PCNA: variants seen among roughly 807,000 people sequenced by gnomAD.
The protein encoded by PCNA is proliferating cell nuclear antigen, also known as DNA sliding clamp PCNA.
A neutral mutation model predicts 27.8 loss-of-function variants in PCNA; 4 were observed. The observed-to-expected ratio is 0.14, with a 90% CI of 0.07 to 0.33. The LOEUF is 0.33. Among genes scored for constraint, PCNA ranks in the 10% least tolerant of loss-of-function variants. The probability of loss-of-function intolerance (pLI) is 1.00; values close to 1 mark genes in which losing one functional copy is unlikely to be tolerated. For synonymous variants in PCNA, 121 were observed against 119.4 expected, an observed-to-expected ratio of 1.01 and a Z score of -0.09; for missense variants, 165 against 327.4, an observed-to-expected ratio of 0.50 and a Z score of 3.83.
chr20:5,117,657 T>C lies in PCNA; in HGVS notation c.395A>G (p.Glu132Gly), dbSNP rs1438678643. 6.4e-7 allele frequency: 1 copy of C among 1,560,380 alleles called. No individual in the cohort carries two copies. Among genetic ancestry groups the C allele is most frequent in the African/African-American group, 1.4e-5 (1 of 72,556 alleles). Residue 132 changes from glutamate to glycine, a missense_variant, in exon 4 of 6, where the codon GAG becomes GGG. Glu to Gly is a moderately conservative substitution (Grantham distance 98). Coordinates refer to ENST00000379143, the MANE Select transcript of PCNA (RefSeq NM_182649.2). ...AGGCATCTTTACTACACAGCTGTAC[T>C]CCTGTTCCTATTAAGAACAAAAATT... The part of the protein sequence containing the change: ...DVEQLGIPEQ[E>G]YSCVVKMPSG...
chr20:5,125,269 G>A (rs191591820), intron 1 of PCNA, among the ~76,000 whole-genome samples: 273 of 152,238 alleles, frequency 1.8e-3, no homozygotes, highest in Non-Finnish European at 3.2e-3. Flanking sequence ...AATATATAAT[G>A]CTGTTTTCAG....
chr20:5,126,358 T>C (rs1458177949), intron 1 of PCNA: 1 of 152,262 alleles, frequency 6.6e-6, no homozygotes. Flanking sequence ...AATTAGTGCT[T>C]AACAAGTACT....
rs2090466178 is a variant in PCNA, at chr20:5,115,107, T to C, written c.*176A>G. 1.9e-6 allele frequency: 1 copy of C among 533,436 alleles called. No homozygotes were observed. The highest frequency in any genetic ancestry group is 3.5e-5 in the Admixed American group (1 of 28,540). The allele number at this position is 533,436 out of a possible 1,614,324, so 33.0% of individuals were successfully genotyped here. On this transcript the variant is annotated 3_prime_UTR_variant, in exon 6 of 6. Transcript: ENST00000379143. ...CTAGACCAGATCTGACTTTGGACTT[T>C]ATTCTTTAAACAAATTGCAGAGAAT...
At position 5,118,600 on chromosome 20, in the gene PCNA, T is replaced by C. The variant is rs765400666; in HGVS notation, c.387+10A>G. ...TACAGCACTCTCTACAATGAGAAAC[T>C]GATACTCACTGGAATTCCAAGTTGT... On this transcript the variant is annotated intron_variant, in intron 3 of 5. Transcript: ENST00000379143. The C allele has an allele frequency of 3.2e-6, 5 of 1,577,230 alleles. No homozygotes were observed. The highest frequency in any genetic ancestry group is 1.3e-5 in the African/African-American group (1 of 74,168).
At chr20:5,123,079 C>T (rs1368237999), upstream of PCNA, among the ~76,000 whole-genome samples, 2 of 152,114 alleles carry the variant, frequency 1.3e-5, no homozygotes, top group Admixed American at 6.6e-5. Context: ...GCATTCTAGG[C>T]TGAGAGAATA....
chr20:5,118,911 G>A, intron 1 of PCNA, 45 bp from the exon 2 acceptor site: 5 of 1,361,656 alleles, frequency 3.7e-6, no homozygotes, highest in Non-Finnish European at 5.2e-6. Context: ...GCCGTCTGCT[G>A]AAGGGCTGTA....
upstream of PCNA, chr20:5,120,168 G>C (rs915944285): frequency 1.6e-4 from 42 of 255,572 alleles, no homozygotes; most frequent in Non-Finnish European, 2.4e-5. Flanking sequence ...TCCTGAACCC[G>C]GCCGCAGAAC....
Position 5,117,932 on chromosome 20 carries a change from C to T in PCNA, c.388-268G>A, listed in dbSNP as rs555956103. 5.9e-5 allele frequency among the ~76,000 whole-genome samples: 9 copies of T among 152,264 alleles called. No homozygotes were observed. The South Asian group carries it at 1.5e-3, about 25-fold the overall frequency. The stretch of plus-strand genomic sequence containing the variant: ...GAGTATGGCACAGAAATCATGATGG[C>T]GCAAGCAGGCCTAACTACTTTCTAA... On this transcript the variant is annotated intron_variant, in intron 3 of 5. Coordinates refer to ENST00000379143, the MANE Select transcript of PCNA (RefSeq NM_182649.2).
upstream of PCNA, among the ~76,000 whole-genome samples, chr20:5,123,441 T>C (rs1222323197): frequency 1.3e-5 from 2 of 152,180 alleles, no homozygotes; most frequent in African/African-American, 4.8e-5. Flanking sequence ...ATGCCTGTAA[T>C]CCCAGAACTT....
chr20:5,121,225 T>A (rs546099234), upstream of PCNA, among the ~76,000 whole-genome samples: 26 of 152,318 alleles, frequency 1.7e-4, no homozygotes, highest in African/African-American at 6.3e-4. Flanking sequence ...GTCAGCAGAA[T>A]TCTTTAGTTT....
At chr20:5,125,767 C>G (rs761544514) in intron 1 of PCNA, among the ~76,000 whole-genome samples, 5 of 152,156 alleles carry the variant, frequency 3.3e-5, no homozygotes, top group Non-Finnish European at 7.3e-5. Flanking sequence ...CTAATTCTTA[C>G]TAGGCACTTT....
chr20:5,119,354 C>A (rs991032335), intron 1 of PCNA, among the ~76,000 whole-genome samples: 1 of 152,254 alleles, frequency 6.6e-6, no homozygotes, highest in African/African-American at 2.4e-5. Flanking sequence ...TTCCCGCCAC[C>A]ACCCGCTTTG....
intron 4 of PCNA, among the ~76,000 whole-genome samples, chr20:5,116,106 G>A (rs2090472928): frequency 6.6e-6 from 1 of 152,162 alleles, no homozygotes; most frequent in South Asian, 2.1e-4. Flanking sequence ...CCAAACTCTG[G>A]AAAACTTAAT....
chr20:5,115,662 G>C (rs1173663559), intron 4 of PCNA, 90 bp from the exon 5 acceptor site: 13 of 1,104,894 alleles, frequency 1.2e-5, no homozygotes, highest in African/African-American at 1.6e-5. Context: ...ACAAACACTT[G>C]TATTGGTCAC....
intron 1 of PCNA, 111 bp downstream of exon 1, chr20:5,119,467 A>T: frequency 1.2e-6 from 1 of 848,820 alleles, no homozygotes; most frequent in Non-Finnish European, 1.8e-6. Flanking sequence ...GGCCAATGAG[A>T]AGGCGCGGAT....
upstream of PCNA, among the ~76,000 whole-genome samples, chr20:5,123,162 T>C (rs1264638264): frequency 6.6e-6 from 1 of 152,200 alleles, no homozygotes; most frequent in African/African-American, 2.4e-5. Flanking sequence ...CTGATGTGTC[T>C]GAAGCAAGAG....
chr20:5,121,901 A>G (rs1399438124), upstream of PCNA, among the ~76,000 whole-genome samples: 1 of 152,114 alleles, frequency 6.6e-6, no homozygotes, highest in Non-Finnish European at 1.5e-5. Flanking sequence ...GTGAGATTAC[A>G]GGCATGAGCC....
chr20:5,121,075 G>A (rs965288013), upstream of PCNA, among the ~76,000 whole-genome samples: 5 of 152,000 alleles, frequency 3.3e-5, no homozygotes, highest in Admixed American at 1.3e-4. Flanking sequence ...CACCTGCCTC[G>A]GCCTCTCAAA....
In PCNA at chr20:5,119,870, G is replaced by C. The variant is rs887161589; in HGVS notation, c.-72C>G. The stretch of plus-strand genomic sequence containing the variant: ...AAAGTCTAGCTGGTTTCGGCTTCAG[G>C]AGCCTCAGAGCGAGCGGGCGAACGT... On this transcript the variant is annotated 5_prime_UTR_variant, in exon 1 of 6. Coordinates refer to ENST00000379143, the MANE Select transcript of PCNA (RefSeq NM_182649.2). 8.1e-7 allele frequency: 1 copy of C among 1,228,878 alleles called. No individual in the cohort carries two copies. Among genetic ancestry groups the C allele is most frequent in the Non-Finnish European group, 1.2e-6 (1 of 863,462 alleles). The allele number at this position is 1,228,878 out of a possible 1,614,324, so 76.1% of individuals were successfully genotyped here. A position where few individuals can be genotyped will look rare whatever the true frequency, so the allele number is the denominator to read the frequency against.
Sources: allele counts gnomAD v4.1 joint callset (sites outside exome capture counted in the v4.1 genomes callset), GRCh38; gene constraint gnomAD v4.1.1; transcripts MANE v1.5; gene names NCBI Gene and HGNC (gene_info 2026-07-23, HGNC 2026-07-21).